The following ASCL5 variants were observed in gnomAD, a reference collection of about 807,000 sequenced individuals.
The protein encoded by ASCL5 is achaete-scute homolog 5.
For missense variants in ASCL5, 262 were observed against 268.9 expected, an observed-to-expected ratio of 0.97 and a Z score of 0.18; for synonymous variants, 124 against 131.5, an observed-to-expected ratio of 0.94 and a Z score of 0.39.
In ASCL5 at chr1:201,117,520, C is replaced by T. The variant is rs150888952; in HGVS notation, c.-505-1643G>A. ...TTCTCAGTGGCCTTCAAAGCCTCCCCGTTGCTTTCAAGAGAAGGTTCTAGA... is the reference window on the plus strand; with the variant it reads ...TTCTCAGTGGCCTTCAAAGCCTCCCTGTTGCTTTCAAGAGAAGGTTCTAGA... On this transcript the variant is annotated intron_variant, in intron 1 of 1. Coordinates refer to ENST00000449188, the MANE Select transcript of ASCL5 (RefSeq NM_001270601.2). Among the ~76,000 whole-genome samples, 4 of 152,232 alleles carry T rather than the reference C, an allele frequency of 2.6e-5. No homozygotes were observed. In the East Asian group the frequency reaches 5.8e-4, roughly 22 times the overall value.
rs1391512444 is a variant in ASCL5, at chr1:201,115,356, C to T, written c.17G>A (p.Cys6Tyr). ...AGGCCTCCGGTCCACCAGAGCCCGG[C>T]AGAAGTTATTGTTCATGGTGCCGCG... is the stretch of plus-strand genomic sequence containing the variant. MNNNFCRALVDRRPLG... is the reference protein window; with the variant it reads MNNNFYRALVDRRPLG... Residue 6 changes from cysteine (C) to tyrosine (Y), a missense_variant, in exon 2 of 2, where the codon TGC becomes TAC. Physicochemically the swap from Cys to Tyr is radical, Grantham distance 194. Coordinates refer to ENST00000449188, the MANE Select transcript of ASCL5 (RefSeq NM_001270601.2). 1 of 1,231,372 alleles carries T rather than the reference C, an allele frequency of 8.1e-7. No homozygotes were observed. The highest frequency in any genetic ancestry group is 1.0e-6 in the Non-Finnish European group (1 of 987,814). The allele number at this position is 1,231,372 out of a possible 1,614,324, so 76.3% of individuals were successfully genotyped here. A position where few individuals can be genotyped will look rare whatever the true frequency, so the allele number is the denominator to read the frequency against.
intron 1 of ASCL5, among the ~76,000 whole-genome samples, chr1:201,121,383 G>T (rs1029638124): frequency 2.6e-5 from 4 of 152,194 alleles, no homozygotes; most frequent in African/African-American, 9.7e-5. Context: ...GAGGTGGGGG[G>T]ATCGCTTGAG....
chr1:201,123,871 G>A (rs766593508), intron 1 of ASCL5, among the ~76,000 whole-genome samples: 12 of 152,222 alleles, frequency 7.9e-5, no homozygotes, highest in Non-Finnish European at 1.6e-4. Context: ...CTTTCGGGGA[G>A]TAGAAATACC....
Position 201,115,532 on chromosome 1 carries a change from A to G in ASCL5, c.-160T>C, listed in dbSNP as rs997957667. 5 of 459,136 alleles carry G rather than the reference A, an allele frequency of 1.1e-5. No individual in the cohort carries two copies. The highest frequency in any genetic ancestry group is 4.0e-5 in the African/African-American group (2 of 49,666). 28.4% of individuals were successfully genotyped at this position (459,136 alleles called of 1,614,324 possible). A position where few individuals can be genotyped will look rare whatever the true frequency, so the allele number is the denominator to read the frequency against. ...TTTTCGCCCTTTAGGGTGGCTTCCA[A>G]TGACTCCCTAACAAGAGCCATCGCC... On this transcript the variant is annotated 5_prime_UTR_variant, in exon 2 of 2. Transcript: ENST00000449188.
At position 201,115,262 on chromosome 1, in the gene ASCL5, G is replaced by A; in HGVS notation, c.111C>T (p.Ala37=). 2 of 1,231,460 alleles carry A rather than the reference G, an allele frequency of 1.6e-6. No homozygotes were observed. The highest frequency in any genetic ancestry group is 1.6e-5 in the African/African-American group (1 of 64,498). The allele number at this position is 1,231,460 out of a possible 1,614,324, so 76.3% of individuals were successfully genotyped here. A position where few individuals can be genotyped will look rare whatever the true frequency, so the allele number is the denominator to read the frequency against. Residue 37 remains alanine, a synonymous_variant, in exon 2 of 2, where the codon GCC becomes GCT. Coordinates refer to ENST00000449188, the MANE Select transcript of ASCL5 (RefSeq NM_001270601.2). ...PPPRQAPLPP[A]EPLGNVPFLL... is the part of the protein sequence containing the mutation. ...GGAAGGGCACGTTGCCCAGGGGCTC[G>A]GCGGGGGGCAGGGGCGCCTGCCGGG...
chr1:201,123,482 G>A (rs10753890), intron 1 of ASCL5, among the ~76,000 whole-genome samples: 36,351 of 152,108 alleles, frequency 0.24, 5,333 homozygotes, highest in African/African-American at 0.42. Context: ...TCTCATTACA[G>A]CCTTATGATG....
chr1:201,114,700 T>A lies in ASCL5; in HGVS notation c.*52A>T, dbSNP rs1159707903. On this transcript the variant is annotated 3_prime_UTR_variant, in exon 2 of 2. Coordinates refer to ENST00000449188, the MANE Select transcript of ASCL5 (RefSeq NM_001270601.2). ...AACAGCCTCCCGCTGCTCCCGAAAG[T>A]GGGACGGGGCCGGCGGATCATCCTC... The A allele has an allele frequency of 4.9e-6, 6 of 1,227,588 alleles. No individual in the cohort carries two copies. In the East Asian group the frequency reaches 1.9e-4, roughly 39 times the overall value. The allele number at this position is 1,227,588 out of a possible 1,614,324, so 76.0% of individuals were successfully genotyped here. A position where few individuals can be genotyped will look rare whatever the true frequency, so the allele number is the denominator to read the frequency against.
chr1:201,117,588 T>G (rs1452651683), intron 1 of ASCL5, among the ~76,000 whole-genome samples: 1 of 152,152 alleles, frequency 6.6e-6, no homozygotes, highest in African/African-American at 2.4e-5. Context: ...AGGTCAATCT[T>G]CTCTGGAACT....
chr1:201,115,302 C>T lies in ASCL5; in HGVS notation c.71G>A (p.Gly24Asp), dbSNP rs577612898. 1.8e-3 allele frequency: 2,276 copies of T among 1,231,172 alleles called. 4 individuals are homozygous for T. The highest frequency in any genetic ancestry group is 2.2e-3 in the Non-Finnish European group (2,161 of 987,550). 76.3% of individuals were successfully genotyped at this position (1,231,172 alleles called of 1,614,324 possible). A position where few individuals can be genotyped will look rare whatever the true frequency, so the allele number is the denominator to read the frequency against. The change falls in exon 2 of 2, where the codon GGC (glycine) becomes GAC (aspartate). Residue 24 changes from glycine to aspartate, a missense_variant. Physicochemically the swap from Gly to Asp is moderately conservative, Grantham distance 94. Transcript: ENST00000449188. ...CGCCTGCCGGGGAGGGGGCATGACG[C>T]CCAGCTGCATGCAGCTGGGGGGCCC... ...PLGPPSCMQL[G>D]VMPPPRQAPL...
chr1:201,121,500 A>G (rs536529417), intron 1 of ASCL5, among the ~76,000 whole-genome samples: 3 of 152,268 alleles, frequency 2.0e-5, no homozygotes, highest in South Asian at 2.1e-4. Flanking sequence ...GTGGTTTCCA[A>G]TAGGGTTCTG....
chr1:201,116,811 C>T lies in ASCL5; in HGVS notation c.-505-934G>A, dbSNP rs573717756. On this transcript the variant is annotated intron_variant, in intron 1 of 1. Transcript: ENST00000449188. Reference sequence around the variant, plus strand: ...TGTGTCTACAGTGTTCCATAAGTGCCATCTTAGCACTTATCACACTACTCT... The same window carrying T: ...TGTGTCTACAGTGTTCCATAAGTGCTATCTTAGCACTTATCACACTACTCT... 2.6e-5 allele frequency among the ~76,000 whole-genome samples: 4 copies of T among 152,258 alleles called. No homozygotes were observed. In the East Asian group the frequency reaches 7.7e-4, roughly 29 times the overall value.
intron 1 of ASCL5, among the ~76,000 whole-genome samples, chr1:201,126,128 T>G (rs1663574608): frequency 6.8e-6 from 1 of 147,612 alleles, no homozygotes; most frequent in African/African-American, 2.6e-5. Flanking sequence ...CCTTAGCTCT[T>G]TTAAAGTTAA....
At chr1:201,120,621 G>A (rs1258470890) in intron 1 of ASCL5, among the ~76,000 whole-genome samples, 1 of 152,156 alleles carries the variant, frequency 6.6e-6, no homozygotes, top group Non-Finnish European at 1.5e-5. Context: ...ACACTGGTGG[G>A]AAGCCCTGGG....
intron 1 of ASCL5, among the ~76,000 whole-genome samples, chr1:201,117,564 C>A (rs1371680391): frequency 6.6e-6 from 1 of 152,208 alleles, no homozygotes; most frequent in Non-Finnish European, 1.5e-5. Context: ...CCCAAACAGA[C>A]CTTCAGATCT....
At chr1:201,121,390 T>C (rs1572085786) in intron 1 of ASCL5, among the ~76,000 whole-genome samples, 2 of 152,168 alleles carry the variant, frequency 1.3e-5, no homozygotes, top group South Asian at 4.1e-4. Flanking sequence ...GGGGATCGCT[T>C]GAGCCCAGGA....
chr1:201,119,392 G>A (rs1044325276), intron 1 of ASCL5, among the ~76,000 whole-genome samples: 1 of 152,208 alleles, frequency 6.6e-6, no homozygotes, highest in African/African-American at 2.4e-5. Flanking sequence ...GGACTGGGCA[G>A]AACCAGCTAT....
At chr1:201,124,149 T>C (rs1663533542) in intron 1 of ASCL5, among the ~76,000 whole-genome samples, 1 of 152,230 alleles carries the variant, frequency 6.6e-6, no homozygotes, top group Non-Finnish European at 1.5e-5. Context: ...AATCATCCTA[T>C]AGACACAGTG....
chr1:201,116,577 CAG>C (rs1204652559), intron 1 of ASCL5, among the ~76,000 whole-genome samples: 4 of 152,192 alleles, frequency 2.6e-5, no homozygotes, highest in African/African-American at 4.8e-5. Flanking sequence ...TGTGGAATAA[CAG>C]AGAGAGGATT....
intron 1 of ASCL5, 47 bp from the exon 2 acceptor site, chr1:201,115,924 G>A (rs1479156323): frequency 6.6e-6 from 1 of 152,268 alleles, no homozygotes; most frequent in Non-Finnish European, 1.5e-5. Context: ...GGAAAGACCT[G>A]TATTATGGGC....
Sources: allele counts gnomAD v4.1 joint callset (sites outside exome capture counted in the v4.1 genomes callset), GRCh38; gene constraint gnomAD v4.1.1; transcripts MANE v1.5; gene names NCBI Gene and HGNC (gene_info 2026-07-23, HGNC 2026-07-21).